NUDCD3: variants seen among roughly 807,000 people sequenced by gnomAD.
NUDCD3 encodes NudC domain containing 3.
In NUDCD3, 13 loss-of-function variants were observed where a neutral mutation model predicts 39.7. The ratio of observed to expected loss-of-function variants is 0.33; its 90% CI spans 0.21 to 0.52. NUDCD3 has a LOEUF of 0.52. NUDCD3 is among the 20% of genes least tolerant of loss of function. NUDCD3 has a pLI of 0.96. For missense variants in NUDCD3, 453 were observed against 458.1 expected (o/e 0.99, Z 0.10); for synonymous variants, 175 against 172.4 (o/e 1.02, Z -0.12).
intron 4 of NUDCD3, among the ~76,000 whole-genome samples, chr7:44,399,989 C>A (rs1001409456): frequency 1.3e-5 from 2 of 152,188 alleles, no homozygotes; most frequent in African/African-American, 4.8e-5. Context: ...GAACGGCATT[C>A]ACCTCACATA....
intron 4 of NUDCD3, among the ~76,000 whole-genome samples, chr7:44,400,591 G>A (rs545168691): frequency 2.2e-4 from 33 of 152,300 alleles, no homozygotes; most frequent in African/African-American, 7.7e-4. Flanking sequence ...CAGACCAGGC[G>A]ATACAAGGCA....
At chr7:44,411,671 C>T (rs1798928256) in intron 3 of NUDCD3, among the ~76,000 whole-genome samples, 1 of 152,228 alleles carries the variant, frequency 6.6e-6, no homozygotes, top group Non-Finnish European at 1.5e-5. Flanking sequence ...TAAGCACCCT[C>T]ATACATTTCT....
rs565737942 is a variant in NUDCD3 at position 44,444,331 on chromosome 7, C to A, written c.510-16628G>T. 2.9e-3 allele frequency among the ~76,000 whole-genome samples: 447 copies of A among 152,302 alleles called. 1 individual carries two copies. Among genetic ancestry groups the A allele is most frequent in the Middle Eastern group, 0.017 (5 of 294 alleles). ...GCCCCTCTTCTTTCTGAGAAAGCAT[C>A]CAGATAATCACAAAGGTTTGCTCCC... On this transcript the variant is annotated intron_variant, in intron 2 of 5. Coordinates refer to ENST00000355451, the MANE Select transcript of NUDCD3 (RefSeq NM_015332.4).
chr7:44,427,766 G>GC, intron 2 of NUDCD3, 63 bp from the exon 3 acceptor site: 2 of 1,558,026 alleles, frequency 1.3e-6, no homozygotes, highest in Non-Finnish European at 1.7e-6. Context: ...CCCATGGGCA[G>GC]CCTAGCCCAT....
intron 5 of NUDCD3, among the ~76,000 whole-genome samples, 200 bp from the exon 6 acceptor site, chr7:44,386,321 C>T (rs1272876591): frequency 6.6e-6 from 1 of 152,204 alleles, no homozygotes; most frequent in Non-Finnish European, 1.5e-5. Flanking sequence ...CTGCCAATTT[C>T]TCTCCAAGAC....
intron 3 of NUDCD3, among the ~76,000 whole-genome samples, chr7:44,417,872 G>C (rs1799057053): frequency 6.6e-6 from 1 of 152,154 alleles, no homozygotes; most frequent in Non-Finnish European, 1.5e-5. Context: ...CCAGTTGCTG[G>C]TAAGAGATAT....
At position 44,435,324 on chromosome 7, in the gene NUDCD3, G is replaced by A. The variant is rs140242104; in HGVS notation, c.510-7621C>T. Among the ~76,000 whole-genome samples, 668 of 152,240 alleles carry A rather than the reference G, an allele frequency of 4.4e-3. 7 individuals carry two copies. Among genetic ancestry groups the A allele is most frequent in the African/African-American group, 0.015 (631 of 41,536 alleles). On this transcript the variant is annotated intron_variant, in intron 2 of 5. Coordinates refer to ENST00000355451, the MANE Select transcript of NUDCD3 (RefSeq NM_015332.4). ...CAGAACACACACGGTAAGCCTAGCC[G>A]TCTTCCTTACAAGTGGGGAACTGTC...
chr7:44,480,941 CAAAAAAAAAAAAAAAA>C (rs1164765600), intron 2 of NUDCD3, among the ~76,000 whole-genome samples: 1 of 34,876 alleles, frequency 2.9e-5, no homozygotes, highest in South Asian at 1.3e-3. Flanking sequence ...GACCCAGTAT[CAAAAAAAAAAAAAAAA>C]AAAAAAAAAA....
intron 3 of NUDCD3, among the ~76,000 whole-genome samples, chr7:44,406,211 G>A (rs1325256576): frequency 3.3e-5 from 5 of 152,206 alleles, no homozygotes; most frequent in Admixed American, 2.6e-4. Flanking sequence ...AACCACAGGC[G>A]GCTCTGCCAG....
chr7:44,457,440 A>G (rs887674310), intron 2 of NUDCD3, among the ~76,000 whole-genome samples: 1 of 152,238 alleles, frequency 6.6e-6, no homozygotes, highest in Non-Finnish European at 1.5e-5. Context: ...AAAACTATGC[A>G]TTAATAAACA....
At chr7:44,386,261 A>G in intron 5 of NUDCD3, 140 bp from the exon 6 acceptor site, 2 of 868,838 alleles carry the variant, frequency 2.3e-6, no homozygotes, top group East Asian at 5.3e-5. Flanking sequence ...GGCTGGCCAG[A>G]GAACTGTACT....
intron 2 of NUDCD3, among the ~76,000 whole-genome samples, chr7:44,480,653 A>C (rs1159169062): frequency 1.3e-5 from 2 of 152,104 alleles, no homozygotes; most frequent in South Asian, 2.1e-4. Flanking sequence ...AAATATTCCC[A>C]AAAAATGGCC....
chr7:44,413,973 T>C (rs1448708234), intron 3 of NUDCD3, among the ~76,000 whole-genome samples: 2 of 150,736 alleles, frequency 1.3e-5, no homozygotes, highest in Non-Finnish European at 2.9e-5. Context: ...GAAGATTGCT[T>C]AAGCCTAGGG....
intron 2 of NUDCD3, among the ~76,000 whole-genome samples, chr7:44,428,341 C>T (rs924501751): frequency 6.6e-6 from 1 of 151,624 alleles, no homozygotes; most frequent in Non-Finnish European, 1.5e-5. Context: ...GAGGCTTGGG[C>T]AGGAGAATCG....
intron 4 of NUDCD3, among the ~76,000 whole-genome samples, chr7:44,401,484 G>A (rs1042494147): frequency 1.3e-5 from 2 of 152,168 alleles, no homozygotes; most frequent in Non-Finnish European, 2.9e-5. Context: ...AGCCCTGCAC[G>A]GGAGCACTAT....
chr7:44,426,659 A>G (rs925922386), intron 3 of NUDCD3, among the ~76,000 whole-genome samples: 1 of 151,070 alleles, frequency 6.6e-6, no homozygotes, highest in Non-Finnish European at 1.5e-5. Context: ...AGCCGGGCGT[A>G]GTGGCGGGCG....
intron 2 of NUDCD3, among the ~76,000 whole-genome samples, chr7:44,459,391 T>C (rs1423777388): frequency 2.0e-5 from 3 of 152,082 alleles, no homozygotes; most frequent in Non-Finnish European, 4.4e-5. Context: ...TCTCACTATG[T>C]TGCCCAGGCT....
intron 3 of NUDCD3, among the ~76,000 whole-genome samples, chr7:44,426,995 A>G (rs1799248553): frequency 6.6e-6 from 1 of 151,998 alleles, no homozygotes; most frequent in African/African-American, 2.4e-5. Context: ...ATGGCTCATC[A>G]CCATACACGG....
Position 44,396,134 on chromosome 7 carries a change from C to T in NUDCD3, c.787-3649G>A, listed in dbSNP as rs574690375. Reference sequence around the variant, plus strand: ...GTGTGTGTGTGTGTGTGTTTAATTACAGCCATCCCACAGGTGTGGCTAGCA... The same window carrying T: ...GTGTGTGTGTGTGTGTGTTTAATTATAGCCATCCCACAGGTGTGGCTAGCA... On this transcript the variant is annotated intron_variant, in intron 4 of 5. Transcript: ENST00000355451. Among the ~76,000 whole-genome samples, 23 of 144,888 alleles carry T rather than the reference C, an allele frequency of 1.6e-4. 1 individual carries two copies. In the East Asian group the frequency reaches 2.2e-3, roughly 14 times the overall value.
Sources: allele counts gnomAD v4.1 joint callset (sites outside exome capture counted in the v4.1 genomes callset), GRCh38; gene constraint gnomAD v4.1.1; transcripts MANE v1.5; gene names NCBI Gene and HGNC (gene_info 2026-07-23, HGNC 2026-07-21).